The following PCSK2 variants were observed in gnomAD, a reference collection of about 807,000 sequenced individuals.
PCSK2 encodes the protein neuroendocrine convertase 2.
PCSK2 carries 14 observed loss-of-function variants against 69.7 expected under a neutral mutation model. That is an observed-to-expected ratio of 0.20 (90% CI 0.13 to 0.31). The LOEUF (loss-of-function observed/expected upper bound fraction) is 0.31, where lower values mean the gene tolerates loss of function less well. Among genes scored for constraint, PCSK2 ranks in the 10% least tolerant of loss-of-function variants. The pLI is 1.00. For missense variants in PCSK2, 544 were observed against 842.5 expected (o/e 0.65, Z 4.39); for synonymous variants, 307 against 320.7 (o/e 0.96, Z 0.46).
chr20:17,382,153 A>G (rs2031105664), intron 5 of PCSK2, among the ~76,000 whole-genome samples: 1 of 152,138 alleles, frequency 6.6e-6, no homozygotes. Context: ...AAGTATGAGA[A>G]CCATGTGTTG....
chr20:17,402,623 C>T (rs866970369), intron 5 of PCSK2, among the ~76,000 whole-genome samples: 7 of 143,346 alleles, frequency 4.9e-5, no homozygotes, highest in Middle Eastern at 4.0e-3. Context: ...ATTATGCCCC[C>T]GCACTCAAGC....
chr20:17,425,303 C>G (rs542414900), intron 6 of PCSK2, among the ~76,000 whole-genome samples: 1 of 152,146 alleles, frequency 6.6e-6, no homozygotes, highest in Non-Finnish European at 1.5e-5. Context: ...CTTCTACACA[C>G]CAGCCTCAAA....
At chr20:17,285,335 G>T (rs1023407557) in intron 2 of PCSK2, among the ~76,000 whole-genome samples, 2 of 152,154 alleles carry the variant, frequency 1.3e-5, no homozygotes, top group Non-Finnish European at 2.9e-5. Flanking sequence ...TTTGTGTAAG[G>T]AATACAGCAG....
chr20:17,423,500 C>T (rs2123327769), intron 6 of PCSK2, among the ~76,000 whole-genome samples: 1 of 152,276 alleles, frequency 6.6e-6, no homozygotes, highest in South Asian at 2.1e-4. Context: ...CTCAGCTAAT[C>T]TCTCCAGGAT....
At chr20:17,289,577 A>G (rs916976940) in intron 2 of PCSK2, among the ~76,000 whole-genome samples, 1 of 152,244 alleles carries the variant, frequency 6.6e-6, no homozygotes, top group African/African-American at 2.4e-5. Flanking sequence ...AAACCAACAC[A>G]TCAATTAGTC....
intron 6 of PCSK2, among the ~76,000 whole-genome samples, chr20:17,420,820 G>A (rs2032107794): frequency 6.6e-6 from 1 of 152,172 alleles, no homozygotes; most frequent in South Asian, 2.1e-4. Flanking sequence ...TCTATAAACA[G>A]GGACTAAAGC....
At chr20:17,381,304 G>T (rs1260023994) in intron 5 of PCSK2, among the ~76,000 whole-genome samples, 1 of 152,236 alleles carries the variant, frequency 6.6e-6, no homozygotes, top group African/African-American at 2.4e-5. Flanking sequence ...GGTGAGGTCT[G>T]CACTTTCCAT....
chr20:17,478,606 A>G (rs1254209080), intron 11 of PCSK2, among the ~76,000 whole-genome samples: 3 of 152,230 alleles, frequency 2.0e-5, no homozygotes, highest in Admixed American at 6.5e-5. Context: ...ATTACTTTCC[A>G]CTAAATATTG....
chr20:17,470,620 C>T (rs759590218), intron 11 of PCSK2, among the ~76,000 whole-genome samples: 35 of 152,190 alleles, frequency 2.3e-4, no homozygotes, highest in Non-Finnish European at 4.0e-4. Flanking sequence ...GAACTTCTCT[C>T]GGAAAGTCAC....
At chr20:17,459,491 G>A (rs139166200) in intron 10 of PCSK2, among the ~76,000 whole-genome samples, 46 of 152,252 alleles carry the variant, frequency 3.0e-4, no homozygotes, top group Non-Finnish European at 5.1e-4. Context: ...AGTAGATATC[G>A]TCAAATAGTT....
At chr20:17,323,479 T>A (rs1171240425) in intron 2 of PCSK2, among the ~76,000 whole-genome samples, 1 of 152,170 alleles carries the variant, frequency 6.6e-6, no homozygotes, top group Non-Finnish European at 1.5e-5. Context: ...TATAATCGGT[T>A]CACAGTCATC....
intron 7 of PCSK2, among the ~76,000 whole-genome samples, chr20:17,432,677 CACAA>C (rs761774666): frequency 2.0e-5 from 3 of 152,094 alleles, no homozygotes; most frequent in Middle Eastern, 3.4e-3. Flanking sequence ...GCAAATGTAC[CACAA>C]ACAATGACCT....
intron 5 of PCSK2, among the ~76,000 whole-genome samples, chr20:17,386,285 A>T (rs953435523): frequency 6.6e-6 from 1 of 152,248 alleles, no homozygotes; most frequent in Non-Finnish European, 1.5e-5. Flanking sequence ...GTTAAAATGC[A>T]CACTCATGTT....
intron 2 of PCSK2, among the ~76,000 whole-genome samples, chr20:17,302,480 T>C (rs1400620454): frequency 6.6e-6 from 1 of 152,236 alleles, no homozygotes; most frequent in Non-Finnish European, 1.5e-5. Context: ...AGCACACCCC[T>C]TGGTAGCTCT....
intron 1 of PCSK2, among the ~76,000 whole-genome samples, chr20:17,253,268 T>C (rs1485701242): frequency 1.3e-5 from 2 of 152,212 alleles, no homozygotes; most frequent in East Asian, 1.9e-4. Flanking sequence ...TGATCTTTAG[T>C]AGAGTTGCAA....
At chr20:17,416,879 G>A (rs1362799788) in intron 6 of PCSK2, among the ~76,000 whole-genome samples, 5 of 152,138 alleles carry the variant, frequency 3.3e-5, no homozygotes, top group Non-Finnish European at 7.3e-5. Flanking sequence ...TCAGGGACAT[G>A]GATGAAGCTG....
At chr20:17,399,032 A>G (rs2031578180) in intron 5 of PCSK2, among the ~76,000 whole-genome samples, 1 of 152,234 alleles carries the variant, frequency 6.6e-6, no homozygotes, top group Admixed American at 6.5e-5. Context: ...GTTGGTGCTC[A>G]ATAAATTTGT....
At position 17,395,897 on chromosome 20, in the gene PCSK2, C is replaced by T. The variant is rs77225009; in HGVS notation, c.544-13366C>T. Among the ~76,000 whole-genome samples the T allele has an allele frequency of 4.6e-3, 703 of 152,238 alleles. 6 individuals are homozygous for T. The highest frequency in any genetic ancestry group is 0.016 in the African/African-American group (659 of 41,540). ...ATTTTTAGAGCTGAAAAAGGAGAAG[C>T]AGGTGATACTGAAGTTGTGTAATCA... On this transcript the variant is annotated intron_variant, in intron 5 of 11. Coordinates refer to ENST00000262545, the MANE Select transcript of PCSK2 (RefSeq NM_002594.5).
chr20:17,396,428 T>C (rs996675375), intron 5 of PCSK2, among the ~76,000 whole-genome samples: 3 of 152,206 alleles, frequency 2.0e-5, no homozygotes, highest in African/African-American at 7.2e-5. Flanking sequence ...TCACTGGCCT[T>C]AACCTCTCAT....
Sources: allele counts gnomAD v4.1 joint callset (sites outside exome capture counted in the v4.1 genomes callset), GRCh38; gene constraint gnomAD v4.1.1; transcripts MANE v1.5; gene names NCBI Gene and HGNC (gene_info 2026-07-23, HGNC 2026-07-21).